Variants in PRKG1 observed in about 807,000 individuals in gnomAD.
PRKG1 encodes protein kinase cGMP-dependent 1, also known as cGMP-dependent protein kinase 1.
PRKG1 carries 35 observed loss-of-function variants against 88.1 expected under a neutral mutation model. The observed-to-expected ratio is 0.40, with a 90% CI of 0.30 to 0.53. The LOEUF (loss-of-function observed/expected upper bound fraction) is 0.53, where lower values mean the gene tolerates loss of function less well. Among genes scored for constraint, PRKG1 ranks in the 20% least tolerant of loss-of-function variants. PRKG1 has a pLI of 0.59. For synonymous variants in PRKG1, 303 were observed against 292.5 expected (o/e 1.04, Z -0.37); for missense variants, 540 against 839.8 (o/e 0.64, Z 4.41).
At chr10:51,436,858 A>G (rs907257603) in intron 2 of PRKG1, among the ~76,000 whole-genome samples, 1 of 152,014 alleles carries the variant, frequency 6.6e-6, no homozygotes, top group African/African-American at 2.4e-5. Flanking sequence ...AAATTCTCTT[A>G]TCCCTATTAC....
intron 4 of PRKG1, among the ~76,000 whole-genome samples, chr10:51,902,923 A>G (rs181755498): frequency 6.6e-6 from 1 of 152,308 alleles, no homozygotes; most frequent in African/African-American, 2.4e-5. Context: ...GGGTCACAGG[A>G]AATCCCTGGG....
At chr10:51,918,140 C>T (rs1842383687) in intron 5 of PRKG1, among the ~76,000 whole-genome samples, 2 of 152,080 alleles carry the variant, frequency 1.3e-5, no homozygotes, top group Admixed American at 6.6e-5. Context: ...GAAGACTGAG[C>T]CTCAGATAAC....
chr10:52,222,622 G>T (rs555093053), intron 9 of PRKG1, among the ~76,000 whole-genome samples: 3 of 152,150 alleles, frequency 2.0e-5, no homozygotes, highest in Non-Finnish European at 4.4e-5. Context: ...ATAAAACCCA[G>T]TACAACTCCT....
intron 1 of PRKG1, among the ~76,000 whole-genome samples, chr10:51,067,653 C>T (rs1177006481): frequency 6.6e-6 from 1 of 151,924 alleles, no homozygotes; most frequent in Non-Finnish European, 1.5e-5. Context: ...GATGAATTTT[C>T]CATAATGACT....
intron 5 of PRKG1, among the ~76,000 whole-genome samples, chr10:52,052,896 A>T (rs1846024528): frequency 6.6e-6 from 1 of 152,192 alleles, no homozygotes. Context: ...GGCCACTGCA[A>T]CAGAATGAGC....
chr10:51,735,870 T>TATAG (rs1837255672), intron 3 of PRKG1, among the ~76,000 whole-genome samples: 1 of 123,370 alleles, frequency 8.1e-6, no homozygotes, highest in African/African-American at 3.6e-5. Flanking sequence ...TATATATATA[T>TATAG]ATATATATAT....
At chr10:51,660,261 T>A (rs1319449346) in intron 3 of PRKG1, among the ~76,000 whole-genome samples, 1 of 151,952 alleles carries the variant, frequency 6.6e-6, no homozygotes, top group Admixed American at 6.6e-5. Flanking sequence ...GAATGCTAGC[T>A]ATAATTATAA....
intron 2 of PRKG1, among the ~76,000 whole-genome samples, chr10:51,212,103 G>A (rs1337064305): frequency 6.6e-6 from 1 of 152,050 alleles, no homozygotes; most frequent in Non-Finnish European, 1.5e-5. Flanking sequence ...GCATGATACT[G>A]GTACCAAAAC....
rs191041431 is a variant in PRKG1 at position 52,057,648 on chromosome 10, C to T, written c.840+3087C>T. 2.8e-3 allele frequency among the ~76,000 whole-genome samples: 432 copies of T among 152,254 alleles called. 2 individuals carry two copies. The highest frequency in any genetic ancestry group is 0.013 in the South Asian group (63 of 4,824). ...TTTTCTGATTCCATTCAACATACCTCGTATCCTACCATTGGAAAAAAATGT... is the reference window on the plus strand; with the variant it reads ...TTTTCTGATTCCATTCAACATACCTTGTATCCTACCATTGGAAAAAAATGT... On this transcript the variant is annotated intron_variant, in intron 6 of 17. Transcript: ENST00000373980.
intron 3 of PRKG1, among the ~76,000 whole-genome samples, chr10:51,495,772 C>T (rs765844208): frequency 2.6e-5 from 4 of 152,062 alleles, no homozygotes; most frequent in Non-Finnish European, 5.9e-5. Context: ...ATGTATATTC[C>T]GCTGAGTTAA....
intron 2 of PRKG1, among the ~76,000 whole-genome samples, chr10:51,317,964 A>T (rs1412656302): frequency 6.6e-6 from 1 of 152,126 alleles, no homozygotes; most frequent in Admixed American, 6.5e-5. Context: ...CAGCCCAAAC[A>T]TCTTCTGCAA....
intron 4 of PRKG1, among the ~76,000 whole-genome samples, chr10:51,869,376 G>A (rs893595427): frequency 6.6e-6 from 1 of 151,480 alleles, no homozygotes; most frequent in African/African-American, 2.4e-5. Flanking sequence ...TGGCCATTCT[G>A]TATAACTGCT....
intron 9 of PRKG1, among the ~76,000 whole-genome samples, chr10:52,218,964 C>A (rs1241306310): frequency 6.6e-6 from 1 of 151,904 alleles, no homozygotes; most frequent in African/African-American, 2.4e-5. Context: ...CTAAATTCAA[C>A]AGTAGTTAGA....
chr10:51,735,574 G>A (rs1837243410), intron 3 of PRKG1, among the ~76,000 whole-genome samples: 1 of 151,496 alleles, frequency 6.6e-6, no homozygotes, highest in East Asian at 1.9e-4. Flanking sequence ...ATTTGTGGGG[G>A]GATTATTCCA....
chr10:52,044,815 G>T (rs1460689332), intron 5 of PRKG1, among the ~76,000 whole-genome samples: 1 of 152,066 alleles, frequency 6.6e-6, no homozygotes. Flanking sequence ...TCCCAGATGG[G>T]GTTACAGCTT....
chr10:51,457,700 T>C (rs1839626716), intron 2 of PRKG1, among the ~76,000 whole-genome samples: 4 of 152,258 alleles, frequency 2.6e-5, no homozygotes, highest in African/African-American at 9.6e-5. Flanking sequence ...CATTCTTTAT[T>C]ATGGCTGAAT....
chr10:51,940,646 C>T (rs1190858671), intron 5 of PRKG1, among the ~76,000 whole-genome samples: 2 of 151,988 alleles, frequency 1.3e-5, no homozygotes, highest in East Asian at 3.9e-4. Context: ...GTCATTTAAA[C>T]ATGCAAGTCC....
chr10:52,177,148 T>A (rs1838888555), intron 9 of PRKG1, among the ~76,000 whole-genome samples: 1 of 152,116 alleles, frequency 6.6e-6, no homozygotes, highest in African/African-American at 2.4e-5. Flanking sequence ...TAGGTGACTG[T>A]CATATATGGC....
chr10:51,084,333 G>T lies in PRKG1; in HGVS notation c.311+9432G>T, dbSNP rs576910456. 2.6e-5 allele frequency among the ~76,000 whole-genome samples: 4 copies of T among 152,322 alleles called. No homozygotes were observed. The South Asian group carries it at 8.3e-4, about 32-fold the overall frequency. On this transcript the variant is annotated intron_variant, in intron 1 of 17. Coordinates refer to ENST00000373980, the MANE Select transcript of PRKG1 (RefSeq NM_006258.4). The stretch of plus-strand genomic sequence containing the variant: ...GAAGCAGAATGATAGGCAGAAGTTG[G>T]TGGTAGGACACTGGGAAAATATCTG...
Sources: gnomAD v4.1 joint callset for allele counts (sites outside exome capture counted in the v4.1 genomes callset) on GRCh38, gnomAD v4.1.1 for gene constraint, MANE v1.5 for transcripts, NCBI Gene and HGNC (gene_info 2026-07-23, HGNC 2026-07-21) for gene names.